Variants in KIAA0232 observed in about 807,000 individuals in gnomAD.
KIAA0232 encodes uncharacterized protein KIAA0232.
Under a neutral mutation model 122.0 loss-of-function variants are expected in KIAA0232, and 27 were observed. The observed-to-expected ratio is 0.22, with a 90% CI of 0.16 to 0.31. The LOEUF (loss-of-function observed/expected upper bound fraction) is 0.31. Among genes scored for constraint, KIAA0232 ranks in the 10% least tolerant of loss-of-function variants. KIAA0232 has a pLI of 1.00. For missense variants in KIAA0232, 1,551 were observed against 1,634.2 expected, an observed-to-expected ratio of 0.95 and a Z score of 0.88; for synonymous variants, 613 against 587.6, an observed-to-expected ratio of 1.04 and a Z score of -0.63.
At chr4:6,876,628 C>T (rs181093567) in intron 8 of KIAA0232, 32 bp from the exon 9 acceptor site, 1 of 1,396,242 alleles carries the variant, frequency 7.2e-7, no homozygotes, top group African/African-American at 1.4e-5. Flanking sequence ...CCCCCTTTCC[C>T]TCTTTTCCCT....
intron 8 of KIAA0232, among the ~76,000 whole-genome samples, 184 bp from the exon 9 acceptor site, chr4:6,876,473 GTTT>G (rs944283063): frequency 6.6e-6 from 1 of 151,810 alleles, no homozygotes; most frequent in African/African-American, 2.4e-5. Context: ...TCAGCATAGC[GTTT>G]TTTTTCTCTT....
Position 6,862,929 on chromosome 4 carries a change from G to A in KIAA0232, c.2547G>A (p.Glu849=), listed in dbSNP as rs1720958197. The A allele has an allele frequency of 1.2e-6, 2 of 1,614,096 alleles. No individual in the cohort carries two copies. Among genetic ancestry groups the A allele is most frequent in the East Asian group, 2.2e-5 (1 of 44,896 alleles). The change falls in exon 7 of 10, where the codon GAG becomes GAA. Residue 849 remains glutamate (E), a synonymous_variant. Transcript: ENST00000307659. ...ATVEIERTDA[E]LFSADVNNYC... Reference sequence around the variant, plus strand: ...TAGAAATAGAAAGAACTGATGCTGAGTTGTTTTCGGCAGATGTAAATAACT... The same window carrying A: ...TAGAAATAGAAAGAACTGATGCTGAATTGTTTTCGGCAGATGTAAATAACT...
intron 8 of KIAA0232, among the ~76,000 whole-genome samples, chr4:6,872,844 A>G (rs1318782472): frequency 1.3e-5 from 2 of 152,248 alleles, no homozygotes; most frequent in Non-Finnish European, 2.9e-5. Context: ...ATCCCTCGGC[A>G]GCATGGGCTA....
chr4:6,856,049 GGACAGAAT>G (rs1480018601), intron 4 of KIAA0232, among the ~76,000 whole-genome samples: 1 of 152,114 alleles, frequency 6.6e-6, no homozygotes, highest in African/African-American at 2.4e-5. Flanking sequence ...GGTATGACGT[GGACAGAAT>G]GTAACTCTAG....
chr4:6,859,099 T>C (rs867995301), intron 6 of KIAA0232, among the ~76,000 whole-genome samples: 1 of 94,964 alleles, frequency 1.1e-5, no homozygotes, highest in African/African-American at 5.7e-5. Context: ...CTCTGTCTTA[T>C]TAAAAAAAAA....
chr4:6,813,753 AT>A (rs1717988681), intron 2 of KIAA0232, among the ~76,000 whole-genome samples: 1 of 152,158 alleles, frequency 6.6e-6, no homozygotes, highest in African/African-American at 2.4e-5. Context: ...AAATAATTAA[AT>A]ACTTTCATTT....
At chr4:6,880,662 A>G (rs1453715854) in intron 9 of KIAA0232, 125 bp from the exon 10 acceptor site, 2 of 629,254 alleles carry the variant, frequency 3.2e-6, no homozygotes, top group Admixed American at 8.4e-5. Flanking sequence ...AAAACTCTGC[A>G]TGTTTGTAAC....
intron 4 of KIAA0232, among the ~76,000 whole-genome samples, chr4:6,852,340 T>C (rs546447451): frequency 4.4e-4 from 67 of 152,350 alleles, no homozygotes; most frequent in African/African-American, 1.5e-3. Context: ...ATATTCTCAG[T>C]CTTCTCAGTT....
chr4:6,831,485 A>G (rs2109069878), intron 3 of KIAA0232, among the ~76,000 whole-genome samples: 1 of 152,326 alleles, frequency 6.6e-6, no homozygotes, highest in South Asian at 2.1e-4. Context: ...TTTAGATCTT[A>G]GGACTCCCAG....
intron 1 of KIAA0232, among the ~76,000 whole-genome samples, chr4:6,802,949 A>G (rs1202670793): frequency 6.7e-6 from 1 of 149,716 alleles, no homozygotes; most frequent in African/African-American, 2.5e-5. Flanking sequence ...CTTGAGGTCA[A>G]GAGTTCAGGA....
chr4:6,783,413 A>G (rs927380685), intron 1 of KIAA0232, among the ~76,000 whole-genome samples: 87 of 152,212 alleles, frequency 5.7e-4, no homozygotes, highest in African/African-American at 1.9e-3. Flanking sequence ...TCTAGGGGAG[A>G]CGAGGCGGGG....
chr4:6,876,535 G>C, intron 8 of KIAA0232, 125 bp from the exon 9 acceptor site: 1 of 673,770 alleles, frequency 1.5e-6, no homozygotes, highest in Non-Finnish European at 2.6e-6. Context: ...ACCTCCGAAG[G>C]GTTGGGAGAC....
At chr4:6,849,851 A>G (rs1416459784) in intron 4 of KIAA0232, among the ~76,000 whole-genome samples, 1 of 152,242 alleles carries the variant, frequency 6.6e-6, no homozygotes, top group Non-Finnish European at 1.5e-5. Context: ...AAGGATTAAC[A>G]TATGAGATGC....
intron 3 of KIAA0232, among the ~76,000 whole-genome samples, chr4:6,832,737 T>G (rs1359117752): frequency 1.3e-5 from 2 of 152,190 alleles, no homozygotes; most frequent in Admixed American, 1.3e-4. Flanking sequence ...CAGATACGTA[T>G]TAGACAAATG....
At chr4:6,815,533 C>T (rs1257299333) in intron 2 of KIAA0232, among the ~76,000 whole-genome samples, 1 of 152,080 alleles carries the variant, frequency 6.6e-6, no homozygotes, top group Non-Finnish European at 1.5e-5. Context: ...TCTTTAGCTC[C>T]AAGAACATTT....
Position 6,855,489 on chromosome 4 carries a change from T to C in KIAA0232, c.370-1675T>C, listed in dbSNP as rs902057986. The stretch of plus-strand genomic sequence containing the variant: ...TTTACACAGAGAGTAAGGAGTAAGC[T>C]CTTATTTTGCTGTTTAAACATGAGA... On this transcript the variant is annotated intron_variant, in intron 4 of 9. Coordinates refer to ENST00000307659, the MANE Select transcript of KIAA0232 (RefSeq NM_014743.3). The surrounding 1 kb of genome is among the most constrained non-coding windows in gnomAD (Gnocchi z 4.3). Among the ~76,000 whole-genome samples, 1 of 152,162 alleles carries C rather than the reference T, an allele frequency of 6.6e-6. No homozygotes were observed. Among genetic ancestry groups the C allele is most frequent in the Non-Finnish European group, 1.5e-5 (1 of 68,020 alleles).
chr4:6,859,100 TAA>T (rs34866239), intron 6 of KIAA0232, among the ~76,000 whole-genome samples: 42,147 of 105,602 alleles, frequency 0.4, 6,949 homozygotes, highest in East Asian at 0.52. Flanking sequence ...TCTGTCTTAT[TAA>T]AAAAAAAAAA....
chr4:6,876,536 G>T, intron 8 of KIAA0232, 124 bp from the exon 9 acceptor site: 1 of 688,296 alleles, frequency 1.5e-6, no homozygotes, highest in Non-Finnish European at 2.5e-6. Flanking sequence ...CCTCCGAAGG[G>T]TTGGGAGACC....
rs770376297 is a variant in KIAA0232, at chr4:6,824,693, A to T, written c.231+9A>T. The T allele has an allele frequency of 6.2e-7, 1 of 1,610,324 alleles. No homozygotes were observed. Among genetic ancestry groups the T allele is most frequent in the Non-Finnish European group, 8.5e-7 (1 of 1,176,634 alleles). On this transcript the variant is annotated intron_variant, in intron 3 of 9. Transcript: ENST00000307659. ...ACGACCTGCAGGAACAGGTATTTAC[A>T]TATTTTAAGTGTTTTCTGAAAACTG...
Sources: gnomAD v4.1 joint callset for allele counts (sites outside exome capture counted in the v4.1 genomes callset) on GRCh38, gnomAD v4.1.1 for gene constraint, Gnocchi (gnomAD v3.1) non-coding constraint, MANE v1.5 for transcripts, NCBI Gene and HGNC (gene_info 2026-07-23, HGNC 2026-07-21) for gene names.